Variants in PIK3R1 observed in about 807,000 individuals in gnomAD.
PIK3R1 encodes phosphatidylinositol 3-kinase regulatory subunit alpha.
PIK3R1 carries 29 observed loss-of-function variants against 98.0 expected under a neutral mutation model. The ratio of observed to expected loss-of-function variants is 0.30; its 90% confidence interval spans 0.22 to 0.40. The LOEUF (loss-of-function observed/expected upper bound fraction) is 0.40, where lower values mean the gene tolerates loss of function less well. Among genes scored for constraint, PIK3R1 ranks in the 10% least tolerant of loss-of-function variants. The pLI is 1.00. For synonymous variants in PIK3R1, 282 were observed against 311.8 expected, an observed-to-expected ratio of 0.90 and a Z score of 1.01; for missense variants, 596 against 872.7, an observed-to-expected ratio of 0.68 and a Z score of 3.99.
chr5:68,274,196 C>T (rs898432843), intron 4 of PIK3R1, among the ~76,000 whole-genome samples, 183 bp downstream of exon 4: 1 of 152,192 alleles, frequency 6.6e-6, no homozygotes, highest in African/African-American at 2.4e-5. Flanking sequence ...AAATTTTTCT[C>T]CTGAGTTGGG....
chr5:68,223,184 G>A (rs564501570), intron 1 of PIK3R1, among the ~76,000 whole-genome samples: 2 of 150,692 alleles, frequency 1.3e-5, no homozygotes, highest in South Asian at 2.1e-4. Flanking sequence ...ATACTTAACC[G>A]GAGTTTTATG....
chr5:68,240,699 A>G (rs1173712709), intron 2 of PIK3R1, among the ~76,000 whole-genome samples: 3 of 152,196 alleles, frequency 2.0e-5, no homozygotes, highest in Non-Finnish European at 2.9e-5. Context: ...GTGAATGCCA[A>G]TCTAGTTGTT....
At chr5:68,217,085 T>G (rs1041894323) in intron 1 of PIK3R1, among the ~76,000 whole-genome samples, 46 of 152,074 alleles carry the variant, frequency 3.0e-4, no homozygotes, top group African/African-American at 9.2e-4. Flanking sequence ...TGATTTTAGG[T>G]TTTTTTTCTT....
intron 2 of PIK3R1, among the ~76,000 whole-genome samples, chr5:68,238,576 G>A (rs896556344): frequency 6.6e-6 from 1 of 152,064 alleles, no homozygotes; most frequent in Non-Finnish European, 1.5e-5. Flanking sequence ...AAAAGACTAA[G>A]TTAAAAATGT....
rs987525102 is a variant in PIK3R1 at position 68,300,690 on chromosome 5, G to A, written c.*3089G>A. On this transcript the variant is annotated 3_prime_UTR_variant, in exon 16 of 16. Coordinates refer to ENST00000521381, the MANE Select transcript of PIK3R1 (RefSeq NM_181523.3). The stretch of plus-strand genomic sequence containing the variant: ...TTTCAGCCAAAACAGATCCACAGTA[G>A]TTGTTGAGTTCAAGTACATAAAGTA... 2 of 233,274 alleles carry A rather than the reference G, an allele frequency of 8.6e-6. No homozygotes were observed. Among genetic ancestry groups the A allele is most frequent in the Non-Finnish European group, 1.7e-5 (2 of 118,048 alleles). The allele number at this position is 233,274 out of a possible 1,614,324, so 14.5% of individuals were successfully genotyped here.
At chr5:68,277,991 C>T (rs908907893) in intron 4 of PIK3R1, among the ~76,000 whole-genome samples, 3 of 152,136 alleles carry the variant, frequency 2.0e-5, no homozygotes, top group Non-Finnish European at 4.4e-5. Flanking sequence ...AGTTATCCTT[C>T]GCATTGCTAG....
In PIK3R1 at chr5:68,293,833, A is replaced by G; in HGVS notation, c.1424A>G (p.Gln475Arg). 1 of 1,559,310 alleles carries G rather than the reference A, an allele frequency of 6.4e-7. No individual in the cohort carries two copies. Among genetic ancestry groups the G allele is most frequent in the South Asian group, 1.2e-5 (1 of 81,586 alleles). The stretch of plus-strand genomic sequence containing the variant: ...TATGAAGAATATACCCGCACATCCC[A>G]GGTGAGTTTTCTATGAAAATCAGAT... Reference protein sequence around the residue: ...RLYEEYTRTSQEIQMKRTAIE... With the variant: ...RLYEEYTRTSREIQMKRTAIE... The change falls in exon 11 of 16, where the codon CAG (glutamine) becomes CGG (arginine). Residue 475 changes from glutamine to arginine, a missense_variant and splice_region_variant. Transcript: ENST00000521381.
chr5:68,261,297 C>G (rs1008980663), intron 2 of PIK3R1, among the ~76,000 whole-genome samples: 1 of 152,094 alleles, frequency 6.6e-6, no homozygotes, highest in African/African-American at 2.4e-5. Flanking sequence ...CTAGTTAAAC[C>G]ATTACCACTT....
chr5:68,273,373 G>T lies in PIK3R1; in HGVS notation c.335-17G>T, dbSNP rs201772482. 510 of 1,608,978 alleles carry T rather than the reference G, an allele frequency of 3.2e-4. 1 individual carries two copies. The highest frequency in any genetic ancestry group is 4.2e-4 in the Non-Finnish European group (490 of 1,175,534). On this transcript the variant is annotated splice_polypyrimidine_tract_variant and intron_variant, in intron 2 of 15. Coordinates refer to ENST00000521381, the MANE Select transcript of PIK3R1 (RefSeq NM_181523.3). ...CTATCCAAATTAAATACAATGGTGG[G>T]ATTTTGTTGTTTGCAGCTTTGACTC...
intron 2 of PIK3R1, among the ~76,000 whole-genome samples, chr5:68,235,993 C>T (rs959585054): frequency 6.6e-6 from 1 of 151,666 alleles, no homozygotes; most frequent in African/African-American, 2.4e-5. Context: ...GCCACAGCCT[C>T]CCAAGTAGCT....
chr5:68,237,227 A>G (rs1744698608), intron 2 of PIK3R1, among the ~76,000 whole-genome samples: 1 of 152,230 alleles, frequency 6.6e-6, no homozygotes. Context: ...TGAAGTCCAT[A>G]AAAACAAGAA....
chr5:68,274,122 T>C lies in PIK3R1; in HGVS notation c.502+109T>C, dbSNP rs533041025. On this transcript the variant is annotated intron_variant, in intron 4 of 15. Coordinates refer to ENST00000521381, the MANE Select transcript of PIK3R1 (RefSeq NM_181523.3). ...ATTTAATCTATGCAGTGTTCTAAAT[T>C]TAAAGGGAACTCAAATCATGTACAG... is the stretch of plus-strand genomic sequence containing the variant. 5.4e-5 allele frequency: 47 copies of C among 863,592 alleles called. 1 individual carries two copies. In the Admixed American group the frequency reaches 8.6e-4, roughly 16 times the overall value. 53.5% of individuals were successfully genotyped at this position (863,592 alleles called of 1,614,324 possible).
intron 2 of PIK3R1, among the ~76,000 whole-genome samples, chr5:68,245,069 A>T (rs1745031337): frequency 6.6e-6 from 1 of 152,232 alleles, no homozygotes; most frequent in Non-Finnish European, 1.5e-5. Flanking sequence ...CAGCTGGCTG[A>T]CTTCAAAAGG....
intron 15 of PIK3R1, among the ~76,000 whole-genome samples, chr5:68,297,064 A>C (rs1336808342): frequency 6.6e-6 from 1 of 152,228 alleles, no homozygotes. Flanking sequence ...GGAGCACTGC[A>C]GATAGTTGTC....
At position 68,290,774 on chromosome 5, in the gene PIK3R1, G is replaced by A. The variant is rs148772847; in HGVS notation, c.917-1485G>A. ...TATGGAAGACCTGGATTTAGAATATGCCAAGACAGATATAAATTGTGGCAC... is the reference window on the plus strand; with the variant it reads ...TATGGAAGACCTGGATTTAGAATATACCAAGACAGATATAAATTGTGGCAC... On this transcript the variant is annotated intron_variant, in intron 7 of 15. Transcript: ENST00000521381. 5 of 1,613,500 alleles carry A rather than the reference G, an allele frequency of 3.1e-6. No individual in the cohort carries two copies. The African/African-American group carries it at 6.7e-5, about 22-fold the overall frequency.
intron 1 of PIK3R1, among the ~76,000 whole-genome samples, chr5:68,218,429 A>C (rs1743978760): frequency 6.6e-6 from 1 of 152,156 alleles, no homozygotes. Flanking sequence ...TGATATGTTC[A>C]ATCAACATAT....
At chr5:68,296,807 C>T (rs1747740051) in intron 15 of PIK3R1, among the ~76,000 whole-genome samples, 1 of 152,192 alleles carries the variant, frequency 6.6e-6, no homozygotes, top group South Asian at 2.1e-4. Flanking sequence ...CATTGGATCA[C>T]TGACATCACC....
At chr5:68,218,617 T>C (rs977804044) in intron 1 of PIK3R1, among the ~76,000 whole-genome samples, 3 of 152,216 alleles carry the variant, frequency 2.0e-5, no homozygotes, top group Non-Finnish European at 4.4e-5. Context: ...AAATTGATTT[T>C]TATGCTCAAG....
chr5:68,252,614 C>T (rs706716), intron 2 of PIK3R1, among the ~76,000 whole-genome samples: 28,922 of 152,082 alleles, frequency 0.19, 3,398 homozygotes, highest in Middle Eastern at 0.26. Flanking sequence ...ATTAGAAGTT[C>T]TAATTTTAGT....
Sources: allele counts gnomAD v4.1 joint callset (sites outside exome capture counted in the v4.1 genomes callset), GRCh38; gene constraint gnomAD v4.1.1; transcripts MANE v1.5; gene names NCBI Gene and HGNC (gene_info 2026-07-23, HGNC 2026-07-21).